TDRD7: variants seen among roughly 807,000 people sequenced by gnomAD.
TDRD7 encodes tudor domain-containing protein 7.
Under a neutral mutation model 109.8 loss-of-function variants are expected in TDRD7, and 47 were observed. The ratio of observed to expected loss-of-function variants is 0.43; its 90% CI spans 0.34 to 0.55. The LOEUF is 0.55. TDRD7 is among the 20% of genes least tolerant of loss of function. The pLI is 0.03. For missense variants in TDRD7, 1,164 were observed against 1,319.2 expected (o/e 0.88, Z 1.82); for synonymous variants, 424 against 457.3 (o/e 0.93, Z 0.93).
Position 97,490,560 on chromosome 9 carries a change from G to C in TDRD7, c.3076+3228G>C, listed in dbSNP as rs955124200. ...TAGATATATTTTGGTGGGGGGGGGGGCATTTATCTTGCTTGGTGTTCTCTG... is the reference window on the plus strand; with the variant it reads ...TAGATATATTTTGGTGGGGGGGGGGCCATTTATCTTGCTTGGTGTTCTCTG... On this transcript the variant is annotated intron_variant, in intron 16 of 16. Coordinates refer to ENST00000355295, the MANE Select transcript of TDRD7 (RefSeq NM_014290.3). Among the ~76,000 whole-genome samples, 4 of 136,184 alleles carry C rather than the reference G, an allele frequency of 2.9e-5. No homozygotes were observed. The South Asian group carries it at 1.1e-3, about 36-fold the overall frequency. The allele number at this position is 136,184 out of a possible 152,430, so 89.3% of individuals were successfully genotyped here.
chr9:97,430,586 A>C (rs1453665512), intron 2 of TDRD7, among the ~76,000 whole-genome samples: 1 of 152,172 alleles, frequency 6.6e-6, no homozygotes, highest in East Asian at 1.9e-4. Flanking sequence ...AGTGTGAATG[A>C]AATGTACCTC....
Position 97,482,899 on chromosome 9 carries a change from C to G in TDRD7, c.2463C>G (p.Thr821=). 1.2e-6 allele frequency: 2 copies of G among 1,614,046 alleles called. No individual in the cohort carries two copies. The highest frequency in any genetic ancestry group is 8.5e-7 in the Non-Finnish European group (1 of 1,179,998). Residue 821 remains threonine (T), a synonymous_variant, in exon 15 of 17, where the codon ACC becomes ACG. Transcript: ENST00000355295. ...TRGIAHVYLF[T]PKNFPDPHRS... ...GGATCGCACATGTTTATTTATTTACCCCTAAGAACTTCCCTGACCCTCATC... is the reference window on the plus strand; with the variant it reads ...GGATCGCACATGTTTATTTATTTACGCCTAAGAACTTCCCTGACCCTCATC...
At chr9:97,476,771 T>C (rs1829029937) in intron 12 of TDRD7, among the ~76,000 whole-genome samples, 1 of 152,170 alleles carries the variant, frequency 6.6e-6, no homozygotes, top group Non-Finnish European at 1.5e-5. Flanking sequence ...CATAATTTTG[T>C]AAGATTCTCA....
At chr9:97,431,594 A>G (rs943392919) in intron 3 of TDRD7, among the ~76,000 whole-genome samples, 1 of 152,254 alleles carries the variant, frequency 6.6e-6, no homozygotes, top group Admixed American at 6.5e-5. Context: ...ACAAAGCAGT[A>G]GATGACTAAA....
intron 4 of TDRD7, among the ~76,000 whole-genome samples, chr9:97,438,194 A>G (rs1356321000): frequency 2.0e-5 from 3 of 152,214 alleles, no homozygotes; most frequent in Non-Finnish European, 4.4e-5. Flanking sequence ...TTCTGCTATT[A>G]CACAGATATA....
intron 9 of TDRD7, 66 bp from the exon 10 acceptor site, chr9:97,472,227 T>C (rs1291913000): frequency 1.5e-6 from 2 of 1,364,588 alleles, no homozygotes; most frequent in Non-Finnish European, 1.0e-6. Flanking sequence ...ACAGACACAA[T>C]CCATCTATTC....
intron 1 of TDRD7, among the ~76,000 whole-genome samples, chr9:97,427,325 T>C (rs2118271919): frequency 6.6e-6 from 1 of 152,322 alleles, no homozygotes; most frequent in South Asian, 2.1e-4. Context: ...TTTATTCATA[T>C]GGCATTATGA....
At chr9:97,442,010 CTT>C in intron 6 of TDRD7, 135 bp downstream of exon 6, 1 of 760,304 alleles carries the variant, frequency 1.3e-6, no homozygotes, top group Non-Finnish European at 2.3e-6. Context: ...ATCTTTATCT[CTT>C]AAGATTAACA....
At chr9:97,470,895 A>G (rs1828899448) in intron 9 of TDRD7, among the ~76,000 whole-genome samples, 1 of 152,198 alleles carries the variant, frequency 6.6e-6, no homozygotes, top group African/African-American at 2.4e-5. Flanking sequence ...TTCTTATAAA[A>G]ATTTCAGCCA....
chr9:97,413,668 A>G (rs148986453), intron 1 of TDRD7, among the ~76,000 whole-genome samples: 4 of 152,346 alleles, frequency 2.6e-5, no homozygotes, highest in African/African-American at 9.6e-5. Flanking sequence ...TGTTCTGGGT[A>G]TAGGGAATTG....
chr9:97,470,449 TGCCACTCA>T, intron 8 of TDRD7, 101 bp from the exon 9 acceptor site: 1 of 1,028,054 alleles, frequency 9.7e-7, no homozygotes, highest in Non-Finnish European at 1.5e-6. Flanking sequence ...GGTGCCACTC[TGCCACTCA>T]GCTTGCTGAT....
intron 5 of TDRD7, 31 bp downstream of exon 5, chr9:97,439,349 A>G (rs1828257117): frequency 6.4e-7 from 1 of 1,572,336 alleles, no homozygotes; most frequent in African/African-American, 1.3e-5. Flanking sequence ...TGAGATACAT[A>G]TTGGCTTCCG....
Position 97,483,153 on chromosome 9 carries a change from A to C in TDRD7, c.2717A>C (p.His906Pro). 6.2e-7 allele frequency: 1 copy of C among 1,614,158 alleles called. No homozygotes were observed. The highest frequency in any genetic ancestry group is 8.5e-7 in the Non-Finnish European group (1 of 1,180,020). The change falls in exon 15 of 17, where the codon CAC becomes CCC. Residue 906 changes from histidine (H) to proline (P), a missense_variant. By Grantham distance (77) the His-to-Pro change is moderately conservative. This residue lies in a region of TDRD7 where 233 missense variants were observed against 218.0 expected (regional missense o/e 1.07). Coordinates refer to ENST00000355295, the MANE Select transcript of TDRD7 (RefSeq NM_014290.3). ...FSTEELPPPV[H>P]LSKPGEHMDV... ...ACAGAGGAACTGCCACCTCCTGTCC[A>C]CTTATCAAAGCCAGGGGAACACATG...
chr9:97,444,654 T>C (rs912473104), intron 6 of TDRD7, among the ~76,000 whole-genome samples: 6 of 152,238 alleles, frequency 3.9e-5, no homozygotes, highest in Non-Finnish European at 7.3e-5. Context: ...TGTCTCTCTA[T>C]ATGGCTTGTC....
intron 14 of TDRD7, among the ~76,000 whole-genome samples, chr9:97,482,277 T>A (rs534524135): frequency 6.6e-6 from 1 of 152,272 alleles, no homozygotes; most frequent in Non-Finnish European, 1.5e-5. Flanking sequence ...CCCATGTAAT[T>A]GGCGATGGGG....
rs559179103 is a variant in TDRD7 at position 97,460,276 on chromosome 9, A to G, written c.954A>G (p.Leu318=). 4 of 1,614,242 alleles carry G rather than the reference A, an allele frequency of 2.5e-6. No individual in the cohort carries two copies. In the African/African-American group the frequency reaches 4.0e-5, roughly 16 times the overall value. Residue 318 remains leucine (L), a synonymous_variant, in exon 7 of 17, where the codon CTA becomes CTG. Transcript: ENST00000355295. ...RSELDTEKVP[L]SPLPGPKQTP... ...AACTGGATACTGAGAAAGTACCTCT[A>G]TCCCCACTACCTGGTCCCAAACAAA...
In TDRD7 at chr9:97,460,254, T is replaced by C. The variant is rs777996729; in HGVS notation, c.932T>C (p.Leu311Pro). 6.2e-7 allele frequency: 1 copy of C among 1,614,246 alleles called. No individual in the cohort carries two copies. Among genetic ancestry groups the C allele is most frequent in the South Asian group, 1.1e-5 (1 of 91,086 alleles). Residue 311 changes from leucine to proline, a missense_variant, in exon 7 of 17, where the codon CTG (leucine) becomes CCG (proline). Physicochemically the swap from Leu to Pro is moderately conservative, Grantham distance 98 (BLOSUM62 -3). Coordinates refer to ENST00000355295, the MANE Select transcript of TDRD7 (RefSeq NM_014290.3). Reference protein sequence around the residue: ...AKRKQLLRSELDTEKVPLSPL... With the variant: ...AKRKQLLRSEPDTEKVPLSPL... ...AGAAAGCAGCTTTTGAGAAGTGAACTGGATACTGAGAAAGTACCTCTATCC... is the reference window on the plus strand; with the variant it reads ...AGAAAGCAGCTTTTGAGAAGTGAACCGGATACTGAGAAAGTACCTCTATCC...
chr9:97,454,416 G>A (rs888018433), intron 6 of TDRD7, among the ~76,000 whole-genome samples: 1 of 152,212 alleles, frequency 6.6e-6, no homozygotes, highest in Non-Finnish European at 1.5e-5. Context: ...GGGAGGCAGA[G>A]CTTGCAGTGA....
At chr9:97,448,827 A>G (rs1218610190) in intron 6 of TDRD7, among the ~76,000 whole-genome samples, 2 of 152,254 alleles carry the variant, frequency 1.3e-5, no homozygotes, top group Non-Finnish European at 2.9e-5. Context: ...AACTGTGCCC[A>G]TATAAATGCT....
Sources: allele counts gnomAD v4.1 joint callset (sites outside exome capture counted in the v4.1 genomes callset), GRCh38; gene constraint gnomAD v4.1.1; regional missense constraint gnomAD v4.1.1; transcripts MANE v1.5; gene names NCBI Gene and HGNC (gene_info 2026-07-23, HGNC 2026-07-21).